Variants in RSPH1 observed in about 807,000 individuals in gnomAD.
RSPH1 encodes radial spoke head 1 homolog.
Under a neutral mutation model 44.2 loss-of-function variants are expected in RSPH1, and 32 were observed. The observed-to-expected ratio is 0.72, with a 90% CI of 0.55 to 0.97. RSPH1 has a LOEUF of 0.97. Ranked by LOEUF, RSPH1 falls within the 50% of genes least tolerant of loss-of-function variation. The pLI, the probability that RSPH1 is intolerant of heterozygous loss-of-function variation, is 0.00. For synonymous variants in RSPH1, 134 were observed against 147.3 expected, an observed-to-expected ratio of 0.91 and a Z score of 0.65; for missense variants, 391 against 398.7, an observed-to-expected ratio of 0.98 and a Z score of 0.16.
intron 8 of RSPH1, among the ~76,000 whole-genome samples, chr21:42,473,562 G>A (rs1396576915): frequency 6.6e-6 from 1 of 151,204 alleles, no homozygotes; most frequent in Non-Finnish European, 1.5e-5. Context: ...TTTGTGAAAG[G>A]TAGAGCTATT....
chr21:42,475,100 C>A (rs1260784916), intron 8 of RSPH1, among the ~76,000 whole-genome samples: 2 of 152,154 alleles, frequency 1.3e-5, no homozygotes, highest in African/African-American at 4.8e-5. Context: ...TCTGCAAGTG[C>A]CCACAAGCAC....
chr21:42,477,492 G>T, intron 6 of RSPH1, 48 bp from the exon 7 acceptor site: 1 of 1,591,258 alleles, frequency 6.3e-7, no homozygotes, highest in Non-Finnish European at 8.6e-7. Context: ...GTGTCATCTT[G>T]GTCTGGAATA....
intron 6 of RSPH1, among the ~76,000 whole-genome samples, chr21:42,478,018 A>G (rs1382999628): frequency 6.6e-6 from 1 of 152,234 alleles, no homozygotes; most frequent in Non-Finnish European, 1.5e-5. Context: ...TCAAGTGTCA[A>G]GGATTATGGG....
chr21:42,478,535 G>C (rs569168300), intron 6 of RSPH1, among the ~76,000 whole-genome samples: 1 of 152,258 alleles, frequency 6.6e-6, no homozygotes, highest in South Asian at 2.1e-4. Context: ...GACAGCACTA[G>C]TTTGGGAACT....
chr21:42,488,647 A>C (rs1343412935), intron 3 of RSPH1, among the ~76,000 whole-genome samples: 1 of 152,230 alleles, frequency 6.6e-6, no homozygotes, highest in African/African-American at 2.4e-5. Context: ...TAAATTTTGC[A>C]CCAAGAGGAC....
In RSPH1 at chr21:42,496,128, C is replaced by T. The variant is rs1335290454; in HGVS notation, c.54+5G>A. 6.2e-7 allele frequency: 1 copy of T among 1,614,158 alleles called. No individual in the cohort carries two copies. Among genetic ancestry groups the T allele is most frequent in the East Asian group, 2.2e-5 (1 of 44,874 alleles). ...GGGAAGCCCTTTCTCACCAGGAGCT[C>T]TCACCCCAATATCATTCTCTCCCTC... On this transcript the variant is annotated splice_donor_5th_base_variant and intron_variant, in intron 1 of 8. Coordinates refer to ENST00000291536, the MANE Select transcript of RSPH1 (RefSeq NM_080860.4).
chr21:42,472,905 A>C (rs371287130), intron 8 of RSPH1, 35 bp from the exon 9 acceptor site: 222 of 1,449,718 alleles, frequency 1.5e-4, no homozygotes, highest in Non-Finnish European at 2.1e-4. Context: ...TATATCTCAT[A>C]TTTACTTTGT....
At chr21:42,488,644 T>C (rs2054203747) in intron 3 of RSPH1, among the ~76,000 whole-genome samples, 1 of 152,208 alleles carries the variant, frequency 6.6e-6, no homozygotes, top group South Asian at 2.1e-4. Context: ...CACTAAATTT[T>C]GCACCAAGAG....
intron 3 of RSPH1, among the ~76,000 whole-genome samples, chr21:42,489,029 C>CTGGTTGGT (rs200462097): frequency 1.3e-5 from 2 of 150,202 alleles, no homozygotes; most frequent in African/African-American, 4.9e-5. Context: ...TGTTGGTTAA[C>CTGGTTGGT]TGGTTGGTTG....
At chr21:42,483,949 A>G (rs1380997698) in intron 5 of RSPH1, among the ~76,000 whole-genome samples, 11 of 152,120 alleles carry the variant, frequency 7.2e-5, no homozygotes, top group Admixed American at 5.9e-4. Flanking sequence ...ATTATTTTAT[A>G]TACTGGGAAC....
At chr21:42,473,488 T>C (rs1356169446) in intron 8 of RSPH1, among the ~76,000 whole-genome samples, 1 of 67,198 alleles carries the variant, frequency 1.5e-5, no homozygotes, top group Non-Finnish European at 3.1e-5. Context: ...AGATTCCATC[T>C]TAAAAAAAAA....
intron 6 of RSPH1, among the ~76,000 whole-genome samples, chr21:42,481,085 G>A (rs1456691717): frequency 1.3e-5 from 2 of 152,168 alleles, no homozygotes; most frequent in African/African-American, 4.8e-5. Context: ...GTTGGAGGTG[G>A]GGCCTGGTGG....
intron 5 of RSPH1, among the ~76,000 whole-genome samples, chr21:42,482,935 T>C (rs1260892848): frequency 6.6e-6 from 1 of 152,234 alleles, no homozygotes; most frequent in East Asian, 1.9e-4. Context: ...AAAAGTGATG[T>C]ATTCATTTTC....
At chr21:42,484,357 G>A (rs2054158376) in intron 5 of RSPH1, among the ~76,000 whole-genome samples, 1 of 152,216 alleles carries the variant, frequency 6.6e-6, no homozygotes, top group African/African-American at 2.4e-5. Flanking sequence ...AATCCTCAAA[G>A]GTTTCACAAT....
chr21:42,483,424 C>T (rs925571547), intron 5 of RSPH1, among the ~76,000 whole-genome samples: 9 of 151,560 alleles, frequency 5.9e-5, no homozygotes, highest in Admixed American at 5.3e-4. Context: ...TCCTCAAACT[C>T]TTGATTTTAG....
chr21:42,496,176 A>C lies in RSPH1; in HGVS notation c.11T>G (p.Leu4Arg), dbSNP rs144240955. The change falls in exon 1 of 9, where the codon CTG (leucine) becomes CGG (arginine). Residue 4 changes from leucine (L) to arginine (R), a missense_variant. Physicochemically the swap from Leu to Arg is moderately radical, Grantham distance 102. Coordinates refer to ENST00000291536, the MANE Select transcript of RSPH1 (RefSeq NM_080860.4). ...CTCCTCCTCCAACTCCTCCGAGCCC[A>C]GGTCCGACATGGTCTCGCCCCAGCC... is the stretch of plus-strand genomic sequence containing the variant. The part of the protein sequence containing the change: MSD[L>R]GSEELEEEGE... 7.7e-5 allele frequency: 124 copies of C among 1,614,024 alleles called. No homozygotes were observed. In the African/African-American group the frequency reaches 1.5e-3, roughly 19 times the overall value.
intron 6 of RSPH1, among the ~76,000 whole-genome samples, chr21:42,479,236 G>A (rs994310098): frequency 7.2e-5 from 11 of 152,186 alleles, no homozygotes; most frequent in Non-Finnish European, 1.0e-4. Context: ...GAGAGAACAC[G>A]GAGGCCCTTC....
At chr21:42,483,759 C>T (rs902315595) in intron 5 of RSPH1, among the ~76,000 whole-genome samples, 1 of 152,074 alleles carries the variant, frequency 6.6e-6, no homozygotes, top group African/African-American at 2.4e-5. Context: ...TATTCATCTA[C>T]ATTTTTTTTC....
chr21:42,475,793 C>G, intron 8 of RSPH1, 105 bp downstream of exon 8: 2 of 1,354,822 alleles, frequency 1.5e-6, no homozygotes, highest in African/African-American at 3.1e-5. Context: ...CCTCGAGTCC[C>G]TGGGGCCCAG....
Sources: allele counts gnomAD v4.1 joint callset (sites outside exome capture counted in the v4.1 genomes callset), GRCh38; gene constraint gnomAD v4.1.1; transcripts MANE v1.5; gene names NCBI Gene and HGNC (gene_info 2026-07-23, HGNC 2026-07-21).